The following CHST13 variants were observed in gnomAD, a reference collection of about 807,000 sequenced individuals.
CHST13 encodes C4ST-3.
Under a neutral mutation model 7.0 loss-of-function variants are expected in CHST13, and 1 was observed. That is an observed-to-expected ratio of 0.14 (90% CI 0.05 to 0.68). CHST13 has a LOEUF of 0.68. Ranked by LOEUF, CHST13 falls within the 30% of genes least tolerant of loss-of-function variation. CHST13 has a pLI of 0.82. For synonymous variants in CHST13, 257 were observed against 240.9 expected, an observed-to-expected ratio of 1.07 and a Z score of -0.62; for missense variants, 572 against 507.9, an observed-to-expected ratio of 1.13 and a Z score of -1.21.
At chr3:126,525,769 A>T (rs1166704116) in intron 1 of CHST13, among the ~76,000 whole-genome samples, 2 of 152,116 alleles carry the variant, frequency 1.3e-5, no homozygotes, top group Admixed American at 1.3e-4. Context: ...GCAAAGGAGC[A>T]TACATCTTTG....
chr3:126,526,015 G>A (rs1936530776), intron 1 of CHST13, among the ~76,000 whole-genome samples: 1 of 152,166 alleles, frequency 6.6e-6, no homozygotes, highest in African/African-American at 2.4e-5. Context: ...TCTCCACCTG[G>A]CCTGTCCTGC....
chr3:126,543,236 C>T lies in CHST13; in HGVS notation c.*658C>T, dbSNP rs1170885979. 1 of 152,252 alleles carries T rather than the reference C, an allele frequency of 6.6e-6. No individual in the cohort carries two copies. Among genetic ancestry groups the T allele is most frequent in the African/African-American group, 2.4e-5 (1 of 41,446 alleles). The allele number at this position is 152,252 out of a possible 1,614,324, so 9.4% of individuals were successfully genotyped here. A position where few individuals can be genotyped will look rare whatever the true frequency, so the allele number is the denominator to read the frequency against. ...CAATGCGGTCACAGGTTTTATGGGA[C>T]TTTGGTGAGCTGGGCGGTCATGGTT... is the stretch of plus-strand genomic sequence containing the variant. On this transcript the variant is annotated 3_prime_UTR_variant, in exon 3 of 3. Transcript: ENST00000319340.
intron 1 of CHST13, among the ~76,000 whole-genome samples, chr3:126,535,264 C>G (rs1936755442): frequency 6.7e-6 from 1 of 149,766 alleles, no homozygotes; most frequent in South Asian, 2.1e-4. Context: ...GACAGACAGA[C>G]AGCATCACTG....
At chr3:126,538,043 C>T (rs954272582) in intron 2 of CHST13, among the ~76,000 whole-genome samples, 4 of 152,228 alleles carry the variant, frequency 2.6e-5, no homozygotes, top group Non-Finnish European at 4.4e-5. Context: ...GTTGGAGCCC[C>T]GGCTTCCCCA....
Position 126,542,613 on chromosome 3 carries a change from T to G in CHST13, c.*35T>G. ...AGGTCCTGTGGCCACGCGGGGCAAG[T>G]GCCTTTCCGACAAGACCCCCGGGGA... On this transcript the variant is annotated 3_prime_UTR_variant, in exon 3 of 3. Coordinates refer to ENST00000319340, the MANE Select transcript of CHST13 (RefSeq NM_152889.3). 1 of 1,438,480 alleles carries G rather than the reference T, an allele frequency of 7.0e-7. No homozygotes were observed. Among genetic ancestry groups the G allele is most frequent in the Non-Finnish European group, 9.1e-7 (1 of 1,096,752 alleles). 89.1% of individuals were successfully genotyped at this position (1,438,480 alleles called of 1,614,324 possible). A position where few individuals can be genotyped will look rare whatever the true frequency, so the allele number is the denominator to read the frequency against.
Position 126,542,020 on chromosome 3 carries a change from C to A in CHST13, c.468C>A (p.Ser156Arg). The A allele has an allele frequency of 6.4e-7, 1 of 1,567,716 alleles. No homozygotes were observed. The highest frequency in any genetic ancestry group is 8.6e-7 in the Non-Finnish European group (1 of 1,161,166). Residue 156 changes from serine (S) to arginine (R), a missense_variant, in exon 3 of 3, where the codon AGC (serine) becomes AGA (arginine). By Grantham distance (110) the Ser-to-Arg change is moderately radical (BLOSUM62 -1). Transcript: ENST00000319340. Reference protein sequence around the residue: ...PGRLPSLADFSPAEINRRLRA... With the variant: ...PGRLPSLADFRPAEINRRLRA... Reference sequence around the variant, plus strand: ...GCCTGCCCTCACTGGCCGACTTCAGCCCCGCCGAGATCAACCGGCGCCTGC... The same window carrying A: ...GCCTGCCCTCACTGGCCGACTTCAGACCCGCCGAGATCAACCGGCGCCTGC...
rs749302068 is a variant in CHST13 at position 126,542,062 on chromosome 3, C to A, written c.510C>A (p.Phe170Leu). 1.9e-6 allele frequency: 3 copies of A among 1,582,034 alleles called. No individual in the cohort carries two copies. The Admixed American group carries it at 5.2e-5, about 27-fold the overall frequency. The stretch of plus-strand genomic sequence containing the variant: ...GGCGCCTGCGCGCCTACTTGGCCTT[C>A]CTGTTCGTGCGGGAGCCCTTCGAGC... ...INRRLRAYLA[F>L]LFVREPFERL... Residue 170 changes from phenylalanine (F) to leucine (L), a missense_variant, in exon 3 of 3, where the codon TTC becomes TTA. Phe to Leu is a conservative substitution (Grantham distance 22). Transcript: ENST00000319340.
At chr3:126,538,834 G>A (rs1479678288) in intron 2 of CHST13, among the ~76,000 whole-genome samples, 1 of 152,172 alleles carries the variant, frequency 6.6e-6, no homozygotes, top group East Asian at 1.9e-4. Context: ...CACTTAGCAT[G>A]ATGTCCTCAG....
chr3:126,541,632 C>A (rs1050229893), intron 2 of CHST13, 101 bp from the exon 3 acceptor site: 2 of 1,172,632 alleles, frequency 1.7e-6, no homozygotes, highest in Admixed American at 7.3e-5. Context: ...GGCGCAGCTC[C>A]TGCTCCCAAT....
Position 126,541,849 on chromosome 3 carries a change from G to T in CHST13, c.297G>T (p.Val99=). 1 of 1,584,412 alleles carries T rather than the reference G, an allele frequency of 6.3e-7. No homozygotes were observed. The highest frequency in any genetic ancestry group is 8.6e-7 in the Non-Finnish European group (1 of 1,166,038). ...RLLQPEDLRH[V]LVDDAHGLLY... is the part of the protein sequence containing the mutation. ...TACAGCCGGAGGACCTGCGGCACGTGCTGGTGGACGACGCGCATGGCCTGC... is the reference window on the plus strand; with the variant it reads ...TACAGCCGGAGGACCTGCGGCACGTTCTGGTGGACGACGCGCATGGCCTGC... The change falls in exon 3 of 3, where the codon GTG becomes GTT. Residue 99 remains valine (V), a synonymous_variant. Coordinates refer to ENST00000319340, the MANE Select transcript of CHST13 (RefSeq NM_152889.3).
chr3:126,535,427 G>C (rs1343574406), intron 1 of CHST13, among the ~76,000 whole-genome samples: 5 of 150,790 alleles, frequency 3.3e-5, no homozygotes, highest in Admixed American at 1.3e-4. Context: ...CCGGGAGACA[G>C]ACAGACAGCA....
chr3:126,539,330 G>A (rs1434204234), intron 2 of CHST13, among the ~76,000 whole-genome samples: 1 of 152,014 alleles, frequency 6.6e-6, no homozygotes. Context: ...TAAATGTTAA[G>A]CCCTGTTCTG....
intron 2 of CHST13, among the ~76,000 whole-genome samples, chr3:126,537,544 A>T (rs1429821439): frequency 6.6e-6 from 1 of 152,144 alleles, no homozygotes; most frequent in Non-Finnish European, 1.5e-5. Context: ...CCAAGCCTAC[A>T]AGCAGGTAGG....
intron 1 of CHST13, among the ~76,000 whole-genome samples, chr3:126,535,126 GAC>G (rs1936749639): frequency 9.6e-6 from 1 of 104,390 alleles, no homozygotes; most frequent in Non-Finnish European, 1.9e-5. Flanking sequence ...CTCAGCTGGA[GAC>G]AGACAGACAG....
chr3:126,536,131 C>A, intron 1 of CHST13, 140 bp from the exon 2 acceptor site: 1 of 658,590 alleles, frequency 1.5e-6, no homozygotes. Context: ...CTCCACCAAG[C>A]CCCTAGGAGG....
At chr3:126,539,821 C>CACCACATGCACACAG (rs1936902893) in intron 2 of CHST13, among the ~76,000 whole-genome samples, 1 of 4,078 alleles carries the variant, frequency 2.5e-4, no homozygotes, top group Non-Finnish European at 5.4e-4. Flanking sequence ...ACCACAAACA[C>CACCACATGCACACAG]ACATACCACA....
chr3:126,533,052 G>A (rs1560138535), intron 1 of CHST13, among the ~76,000 whole-genome samples: 1 of 152,072 alleles, frequency 6.6e-6, no homozygotes, highest in Non-Finnish European at 1.5e-5. Context: ...CTAGTATATA[G>A]AATATAATTG....
intron 2 of CHST13, among the ~76,000 whole-genome samples, chr3:126,537,950 C>A (rs1160716732): frequency 6.6e-6 from 1 of 152,186 alleles, no homozygotes; most frequent in Non-Finnish European, 1.5e-5. Flanking sequence ...CAGGCAGCCA[C>A]ACTGTGGGGG....
In CHST13 at chr3:126,541,819, C is replaced by T; in HGVS notation, c.267C>T (p.Arg89=). 1 of 1,563,610 alleles carries T rather than the reference C, an allele frequency of 6.4e-7. No individual in the cohort carries two copies. The highest frequency in any genetic ancestry group is 2.4e-5 in the East Asian group (1 of 41,706). Reference sequence around the variant, plus strand: ...GTAGCCGCCACTCACGCCGGCAGCGCCTGCTACAGCCGGAGGACCTGCGGC... The same window carrying T: ...GTAGCCGCCACTCACGCCGGCAGCGTCTGCTACAGCCGGAGGACCTGCGGC... ...SACSRHSRRQ[R]LLQPEDLRHV... is the part of the protein sequence containing the mutation. The change falls in exon 3 of 3, where the codon CGC becomes CGT. Residue 89 remains arginine, a synonymous_variant. Transcript: ENST00000319340.
Sources: gnomAD v4.1 joint callset for allele counts (sites outside exome capture counted in the v4.1 genomes callset) on GRCh38, gnomAD v4.1.1 for gene constraint, MANE v1.5 for transcripts, NCBI Gene and HGNC (gene_info 2026-07-23, HGNC 2026-07-21) for gene names.